The following MACROD2 variants were observed in gnomAD, a reference collection of about 807,000 sequenced individuals.
The protein encoded by MACROD2 is mono-ADP ribosylhydrolase 2.
In MACROD2, 36 loss-of-function variants were observed where a neutral mutation model predicts 70.4. That is an observed-to-expected ratio of 0.51 (90% CI 0.39 to 0.68). The LOEUF (loss-of-function observed/expected upper bound fraction) is 0.68, where lower values mean the gene tolerates loss of function less well. Among genes scored for constraint, MACROD2 ranks in the 30% least tolerant of loss-of-function variants. MACROD2 has a pLI of 0.00. For missense variants in MACROD2, 496 were observed against 538.4 expected (o/e 0.92, Z 0.78); for synonymous variants, 172 against 178.8 (o/e 0.96, Z 0.30).
chr20:15,683,578 TTTTG>T (rs1568973024), intron 8 of MACROD2, among the ~76,000 whole-genome samples: 2 of 152,100 alleles, frequency 1.3e-5, no homozygotes, highest in Admixed American at 6.6e-5. Context: ...CAGGTTGTTT[TTTTG>T]TTTGTTTGTT....
chr20:15,066,111 CT>C lies in MACROD2; in HGVS notation c.419-163817del, dbSNP rs576117795. On this transcript the variant is annotated intron_variant, in intron 5 of 17. Transcript: ENST00000684519. ...GGAAAGTGAAAACAAGAGCTGCTTT[CT>C]TTTTTTTTTTTATTTTTAATTTTTA... is the stretch of plus-strand genomic sequence containing the variant. 6.9e-3 allele frequency among the ~76,000 whole-genome samples: 983 copies of C among 142,482 alleles called. 10 individuals are homozygous for C. Among genetic ancestry groups the C allele is most frequent in the South Asian group, 0.044 (194 of 4,442 alleles). 93.5% of individuals were successfully genotyped at this position (142,482 alleles called of 152,430 possible). A position where few individuals can be genotyped will look rare whatever the true frequency, so the allele number is the denominator to read the frequency against.
At chr20:15,229,506 A>C (rs1356288736) in intron 5 of MACROD2, among the ~76,000 whole-genome samples, 2 of 152,064 alleles carry the variant, frequency 1.3e-5, no homozygotes, top group Non-Finnish European at 2.9e-5. Context: ...CAATGCCTGA[A>C]GGTTGTCTTA....
intron 5 of MACROD2, among the ~76,000 whole-genome samples, chr20:15,209,375 C>A (rs1366556518): frequency 6.6e-6 from 1 of 151,908 alleles, no homozygotes; most frequent in Non-Finnish European, 1.5e-5. Flanking sequence ...CTGTTCAATC[C>A]TAGTCCAGAG....
intron 13 of MACROD2, among the ~76,000 whole-genome samples, chr20:15,971,303 C>T (rs1110072): frequency 0.3 from 46,119 of 151,976 alleles, 8,965 homozygotes; most frequent in Non-Finnish European, 0.4. Context: ...ATAATCCCCA[C>T]GTGTTGTGGG....
chr20:15,622,495 A>T (rs1160357116), intron 8 of MACROD2, among the ~76,000 whole-genome samples: 1 of 152,142 alleles, frequency 6.6e-6, no homozygotes, highest in Admixed American at 6.5e-5. Flanking sequence ...AGTGGCTCTG[A>T]TAACCAAGAC....
chr20:15,311,563 G>T (rs1020196057), intron 6 of MACROD2, among the ~76,000 whole-genome samples: 8 of 152,192 alleles, frequency 5.3e-5, no homozygotes, highest in African/African-American at 1.9e-4. Flanking sequence ...ATTGGATAAA[G>T]AAAACGTGGT....
At chr20:14,619,420 G>GT (rs1568702302) in intron 4 of MACROD2, among the ~76,000 whole-genome samples, 2 of 4,260 alleles carry the variant, frequency 4.7e-4, no homozygotes, top group Non-Finnish European at 1.0e-3. Flanking sequence ...GAGGAAAGGA[G>GT]GGAAGGAAGG....
chr20:14,336,461 AC>A (rs1379989631), intron 3 of MACROD2, among the ~76,000 whole-genome samples: 1 of 152,148 alleles, frequency 6.6e-6, no homozygotes, highest in Admixed American at 6.5e-5. Context: ...AATTCAGTGA[AC>A]AAAATTTTTT....
intron 9 of MACROD2, among the ~76,000 whole-genome samples, chr20:15,880,569 C>G (rs1445505575): frequency 6.6e-6 from 1 of 151,858 alleles, no homozygotes; most frequent in Non-Finnish European, 1.5e-5. Context: ...AACTGGGGCT[C>G]AATCCCAGTA....
intron 2 of MACROD2, among the ~76,000 whole-genome samples, chr20:14,065,764 A>C (rs1010271047): frequency 6.6e-6 from 1 of 152,260 alleles, no homozygotes; most frequent in Admixed American, 6.5e-5. Context: ...TCAAATCGGC[A>C]TAATGTTTCC....
chr20:15,007,250 G>C (rs1010971879), intron 5 of MACROD2, among the ~76,000 whole-genome samples: 5 of 152,104 alleles, frequency 3.3e-5, no homozygotes, highest in African/African-American at 1.2e-4. Context: ...TGTAGTCCCA[G>C]CTACTGGGGA....
intron 15 of MACROD2, among the ~76,000 whole-genome samples, chr20:16,034,747 T>C (rs1021358801): frequency 6.6e-6 from 1 of 151,840 alleles, no homozygotes; most frequent in Non-Finnish European, 1.5e-5. Context: ...TGTGAGATCC[T>C]GGTGCACCCA....
chr20:14,807,556 T>G lies in MACROD2; in HGVS notation c.418+122597T>G, dbSNP rs549867301. On this transcript the variant is annotated intron_variant, in intron 5 of 17. Coordinates refer to ENST00000684519, the MANE Select transcript of MACROD2 (RefSeq NM_001351661.2). ...TCTCCTCCAAAGGATCAGAACTCCTTGCCAATAAGGGAACAAAGCTGGATG... is the reference window on the plus strand; with the variant it reads ...TCTCCTCCAAAGGATCAGAACTCCTGGCCAATAAGGGAACAAAGCTGGATG... Among the ~76,000 whole-genome samples, 14 of 152,116 alleles carry G rather than the reference T, an allele frequency of 9.2e-5. No homozygotes were observed. In the South Asian group the frequency reaches 2.7e-3, roughly 29 times the overall value.
chr20:15,490,085 A>T (rs2047208869), intron 7 of MACROD2, among the ~76,000 whole-genome samples: 1 of 151,974 alleles, frequency 6.6e-6, no homozygotes, highest in Non-Finnish European at 1.5e-5. Flanking sequence ...TGAGTCTATT[A>T]AAACTGCATG....
chr20:14,910,481 C>A (rs1421729666), intron 5 of MACROD2, among the ~76,000 whole-genome samples: 3 of 152,192 alleles, frequency 2.0e-5, no homozygotes, highest in African/African-American at 7.2e-5. Flanking sequence ...AAAGAAGTCA[C>A]CATCAAGTTT....
chr20:14,188,532 A>T (rs1438903796), intron 3 of MACROD2, among the ~76,000 whole-genome samples: 1 of 152,148 alleles, frequency 6.6e-6, no homozygotes, highest in Non-Finnish European at 1.5e-5. Context: ...ACTTAATTCC[A>T]TGCTTTCAGG....
At chr20:15,740,463 T>A (rs2051087649) in intron 8 of MACROD2, among the ~76,000 whole-genome samples, 1 of 152,074 alleles carries the variant, frequency 6.6e-6, no homozygotes, top group Non-Finnish European at 1.5e-5. Flanking sequence ...GTTAGACTCA[T>A]AAACAAATGG....
intron 3 of MACROD2, among the ~76,000 whole-genome samples, chr20:14,320,355 A>G (rs1465287061): frequency 6.6e-6 from 1 of 152,144 alleles, no homozygotes; most frequent in Non-Finnish European, 1.5e-5. Flanking sequence ...TGCCTGAAAT[A>G]CTGCATAGCC....
chr20:14,084,576 G>T (rs999467829), intron 2 of MACROD2, among the ~76,000 whole-genome samples: 4 of 151,768 alleles, frequency 2.6e-5, no homozygotes, highest in Non-Finnish European at 5.9e-5. Flanking sequence ...TTGCTATTTT[G>T]TTCAAAATAA....
Sources: allele counts gnomAD v4.1 joint callset (sites outside exome capture counted in the v4.1 genomes callset), GRCh38; gene constraint gnomAD v4.1.1; transcripts MANE v1.5; gene names NCBI Gene and HGNC (gene_info 2026-07-23, HGNC 2026-07-21).